Variants in SPECC1L observed in about 807,000 individuals in gnomAD.
SPECC1L encodes sperm antigen with calponin homology and coiled-coil domains 1 like.
SPECC1L carries 40 observed loss-of-function variants against 116.8 expected under a neutral mutation model. The observed-to-expected ratio is 0.34, with a 90% CI of 0.27 to 0.45. The LOEUF is 0.45. Among genes scored for constraint, SPECC1L ranks in the 20% least tolerant of loss-of-function variants. The pLI is 1.00. For missense variants in SPECC1L, 1,110 were observed against 1,373.6 expected (o/e 0.81, Z 3.03); for synonymous variants, 504 against 500.6 (o/e 1.01, Z -0.09).
chr22:24,330,313 G>A lies in SPECC1L; in HGVS notation c.2278G>A (p.Ala760Thr). Residue 760 changes from alanine (A) to threonine (T), a missense_variant, in exon 8 of 17, where the codon GCA becomes ACA. Physicochemically the swap from Ala to Thr is moderately conservative, Grantham distance 58 (BLOSUM62 0). Coordinates refer to ENST00000314328, the MANE Select transcript of SPECC1L (RefSeq NM_015330.6). Reference sequence around the variant, plus strand: ...TGATCTCCAGACTGCAGTAGTCATTGCAAATGACATTAAATCTGAAGCCCA... The same window carrying A: ...TGATCTCCAGACTGCAGTAGTCATTACAAATGACATTAAATCTGAAGCCCA... ...QADLQTAVVI[A>T]NDIKSEAQEE... The A allele has an allele frequency of 6.2e-7, 1 of 1,614,054 alleles. No individual in the cohort carries two copies. The highest frequency in any genetic ancestry group is 8.5e-7 in the Non-Finnish European group (1 of 1,179,940).
intron 14 of SPECC1L, among the ~76,000 whole-genome samples, chr22:24,388,303 A>G (rs566574240): frequency 6.5e-4 from 87 of 134,346 alleles, no homozygotes; most frequent in Non-Finnish European, 1.2e-3. Context: ...TCATTGTTCA[A>G]TTCCCACCTA....
intron 8 of SPECC1L, among the ~76,000 whole-genome samples, chr22:24,330,811 T>C (rs2040922944): frequency 6.6e-6 from 1 of 152,224 alleles, no homozygotes; most frequent in Non-Finnish European, 1.5e-5. Flanking sequence ...TTACTAGCTG[T>C]AATCTTGGTC....
rs1052612519 is a variant in SPECC1L, at chr22:24,414,651, C to CGG, written c.*32_*33dup. On this transcript the variant is annotated 3_prime_UTR_variant, in exon 17 of 17. Transcript: ENST00000314328. ...ATGCCGGGAGGAGCCGCCCCAATAG[C>CGG]GGGGGTACCCCTCCACAGCGACCGA... 1.6e-5 allele frequency: 25 copies of CGG among 1,600,894 alleles called. No individual in the cohort carries two copies. Among genetic ancestry groups the CGG allele is most frequent in the Non-Finnish European group, 2.0e-5 (23 of 1,168,924 alleles).
chr22:24,307,853 T>C (rs1418719646), intron 3 of SPECC1L, among the ~76,000 whole-genome samples: 1 of 152,000 alleles, frequency 6.6e-6, no homozygotes. Context: ...TTTTTTTTTT[T>C]CTAAAAGTGT....
chr22:24,398,344 C>T (rs1477282498), intron 14 of SPECC1L, among the ~76,000 whole-genome samples: 2 of 152,124 alleles, frequency 1.3e-5, no homozygotes, highest in African/African-American at 4.8e-5. Flanking sequence ...AAGAGTGAGA[C>T]TCATACAAGT....
intron 14 of SPECC1L, among the ~76,000 whole-genome samples, chr22:24,379,218 TA>T (rs146982099): frequency 1.6e-4 from 23 of 147,024 alleles, no homozygotes; most frequent in South Asian, 2.2e-4. Flanking sequence ...TATTAAAATT[TA>T]AAAAAAAAAA....
In SPECC1L at chr22:24,365,596, C is replaced by T. The variant is rs559868205; in HGVS notation, c.2948C>T (p.Thr983Met). ...SPQLSLSSSP[T>M]ASVTPTTRSR... ...CAGCTTTCCCTGTCCTCTTCTCCAA[C>T]GGCATCTGTGACTCCCACCACCCGA... is the stretch of plus-strand genomic sequence containing the variant. The change falls in exon 13 of 17, where the codon ACG (threonine) becomes ATG (methionine). Residue 983 changes from threonine (T) to methionine (M), a missense_variant. Physicochemically the swap from Thr to Met is moderately conservative, Grantham distance 81. Coordinates refer to ENST00000314328, the MANE Select transcript of SPECC1L (RefSeq NM_015330.6). 1.2e-5 allele frequency: 20 copies of T among 1,614,154 alleles called. No individual in the cohort carries two copies. Among genetic ancestry groups the T allele is most frequent in the African/African-American group, 4.0e-5 (3 of 75,030 alleles).
At position 24,313,472 on chromosome 22, in the gene SPECC1L, G is replaced by C. The variant is rs201577668; in HGVS notation, c.307+6G>C. On this transcript the variant is annotated splice_donor_region_variant and intron_variant, in intron 4 of 16. Transcript: ENST00000314328. ...CAAATCCAAGATTAGCACAGGTAAC[G>C]GTGACATTCAGTCTGAGACTTCAAC... 3 of 1,613,668 alleles carry C rather than the reference G, an allele frequency of 1.9e-6. No homozygotes were observed. In the South Asian group the frequency reaches 3.3e-5, roughly 18 times the overall value.
chr22:24,313,580 A>G, intron 4 of SPECC1L, 114 bp downstream of exon 4: 1 of 1,236,808 alleles, frequency 8.1e-7, no homozygotes, highest in Non-Finnish European at 1.2e-6. Flanking sequence ...ATACAAAAGT[A>G]GATGGATTGA....
chr22:24,279,982 T>A (rs1569400757), intron 2 of SPECC1L, among the ~76,000 whole-genome samples: 1 of 152,250 alleles, frequency 6.6e-6, no homozygotes, highest in Non-Finnish European at 1.5e-5. Context: ...TTTTTCTTCC[T>A]CATTTCTTTT....
intron 14 of SPECC1L, among the ~76,000 whole-genome samples, chr22:24,390,874 T>TTTTTTTTTTC (rs2042255799): frequency 1.7e-4 from 11 of 63,988 alleles, no homozygotes; most frequent in Middle Eastern, 6.2e-3. Context: ...TTTCTTTTCT[T>TTTTTTTTTTC]TTTTTTTTTT....
At chr22:24,303,670 A>G (rs1340845764) in intron 3 of SPECC1L, among the ~76,000 whole-genome samples, 1 of 152,090 alleles carries the variant, frequency 6.6e-6, no homozygotes, top group Non-Finnish European at 1.5e-5. Flanking sequence ...TTACTATGGA[A>G]TGTGCACTGA....
intron 14 of SPECC1L, among the ~76,000 whole-genome samples, chr22:24,408,224 T>C (rs1223090540): frequency 1.3e-5 from 2 of 152,206 alleles, no homozygotes. Flanking sequence ...AGAGATGAGA[T>C]TGCATGCGTG....
At chr22:24,272,453 A>C (rs946481046) in intron 1 of SPECC1L, among the ~76,000 whole-genome samples, 1 of 152,256 alleles carries the variant, frequency 6.6e-6, no homozygotes, top group Middle Eastern at 3.4e-3. Context: ...CGGGTGGATC[A>C]CCTGAGGTTA....
chr22:24,286,032 T>C (rs1280138130), intron 2 of SPECC1L, among the ~76,000 whole-genome samples: 1 of 152,268 alleles, frequency 6.6e-6, no homozygotes, highest in Non-Finnish European at 1.5e-5. Context: ...AAGTTACTCA[T>C]TTATTCAGTA....
At chr22:24,275,924 G>T (rs1388136216) in intron 1 of SPECC1L, among the ~76,000 whole-genome samples, 1 of 152,100 alleles carries the variant, frequency 6.6e-6, no homozygotes, top group African/African-American at 2.4e-5. Flanking sequence ...TCTTGCCTAG[G>T]CTGGTGTGGA....
At chr22:24,354,121 G>C (rs1414912084) in intron 11 of SPECC1L, among the ~76,000 whole-genome samples, 2 of 152,092 alleles carry the variant, frequency 1.3e-5, no homozygotes, top group African/African-American at 2.4e-5. Context: ...TAAACAACCA[G>C]ATCTCACAAG....
At chr22:24,379,649 C>T (rs1426646833) in intron 14 of SPECC1L, among the ~76,000 whole-genome samples, 2 of 152,108 alleles carry the variant, frequency 1.3e-5, no homozygotes, top group Admixed American at 6.5e-5. Context: ...TCTTTTTGTA[C>T]ACTTGACAGT....
chr22:24,283,535 G>A (rs2048986089), intron 2 of SPECC1L, among the ~76,000 whole-genome samples: 1 of 152,194 alleles, frequency 6.6e-6, no homozygotes, highest in South Asian at 2.1e-4. Context: ...ATATGGGTCT[G>A]TAGGTTTCTT....
Sources: allele counts gnomAD v4.1 joint callset (sites outside exome capture counted in the v4.1 genomes callset), GRCh38; gene constraint gnomAD v4.1.1; transcripts MANE v1.5; gene names NCBI Gene and HGNC (gene_info 2026-07-23, HGNC 2026-07-21).